TMEM51: variants seen among roughly 807,000 people sequenced by gnomAD.
TMEM51 encodes the protein transmembrane protein 51.
In TMEM51, 8 loss-of-function variants were observed where a neutral mutation model predicts 13.6. That is an observed-to-expected ratio of 0.59 (90% CI 0.35 to 1.07). The LOEUF is 1.07. Among genes scored for constraint, TMEM51 ranks in the 50% least tolerant of loss-of-function variants. The pLI is 0.02. For synonymous variants in TMEM51, 147 were observed against 144.4 expected, an observed-to-expected ratio of 1.02 and a Z score of -0.13; for missense variants, 279 against 330.7, an observed-to-expected ratio of 0.84 and a Z score of 1.21.
rs1365382188 is a variant in TMEM51 at position 15,215,181 on chromosome 1, A to C, written c.94A>C (p.Asn32His). The C allele has an allele frequency of 6.2e-7, 1 of 1,614,186 alleles. No homozygotes were observed. The highest frequency in any genetic ancestry group is 2.2e-5 in the East Asian group (1 of 44,894). ...LVLGVIMAMW[N>H]LVPGFSAAEK... ...CCTTGGGGTGATCATGGCCATGTGG[A>C]ACCTGGTACCCGGCTTCAGCGCGGC... is the stretch of plus-strand genomic sequence containing the variant. Residue 32 changes from asparagine (N) to histidine (H), a missense_variant, in exon 3 of 4, where the codon AAC becomes CAC. Asn to His is a moderately conservative substitution (Grantham distance 68). Transcript: ENST00000376008.
In TMEM51 at chr1:15,219,722, C is replaced by A; in HGVS notation, c.741C>A (p.Pro247=). The A allele has an allele frequency of 1.2e-6, 2 of 1,613,184 alleles. No homozygotes were observed. The highest frequency in any genetic ancestry group is 8.5e-7 in the Non-Finnish European group (1 of 1,179,724). The change falls in exon 4 of 4, where the codon CCC becomes CCA. Residue 247 remains proline (P), a synonymous_variant. Transcript: ENST00000376008. ...PQYDEVQEKA[P]DTRPPD is the part of the protein sequence containing the mutation. ...ATGATGAAGTCCAGGAGAAGGCCCC[C>A]GACACCCGGCCGCCCGACTGAATGG...
chr1:15,215,460 C>T (rs1397131602), intron 3 of TMEM51, 29 bp downstream of exon 3: 44 of 1,557,320 alleles, frequency 2.8e-5, no homozygotes, highest in Non-Finnish European at 3.6e-5. Context: ...CTTCCCTCCC[C>T]GGATCGGGGA....
At chr1:15,198,779 G>T (rs998473349) in intron 1 of TMEM51, among the ~76,000 whole-genome samples, 9 of 152,168 alleles carry the variant, frequency 5.9e-5, no homozygotes, top group Non-Finnish European at 1.3e-4. Flanking sequence ...GAATTGGCAC[G>T]CTCTCTTTTC....
intron 2 of TMEM51, among the ~76,000 whole-genome samples, chr1:15,213,637 C>T (rs1342371509): frequency 1.3e-5 from 2 of 152,176 alleles, no homozygotes; most frequent in Non-Finnish European, 2.9e-5. Context: ...ATCCCAGGAC[C>T]GCTGGCTGCT....
At chr1:15,189,230 T>TTTTTTTTTTTTTTTTTTTTTTTC (rs1557845161) in intron 1 of TMEM51, among the ~76,000 whole-genome samples, 1 of 146,926 alleles carries the variant, frequency 6.8e-6, no homozygotes, top group Non-Finnish European at 1.5e-5. Context: ...TTTTTTTTTT[T>TTTTTTTTTTTTTTTTTTTTTTTC]TTTTTAGTAG....
intron 1 of TMEM51, among the ~76,000 whole-genome samples, chr1:15,162,725 G>C (rs887403310): frequency 6.6e-6 from 1 of 152,024 alleles, no homozygotes; most frequent in Non-Finnish European, 1.5e-5. Flanking sequence ...CAACATGGAC[G>C]AACCTTGAGG....
At chr1:15,158,211 C>T (rs1277993080) in intron 1 of TMEM51, among the ~76,000 whole-genome samples, 2 of 152,196 alleles carry the variant, frequency 1.3e-5, no homozygotes, top group African/African-American at 4.8e-5. Flanking sequence ...TGATGGCTAG[C>T]AGGTATTCCC....
At chr1:15,177,576 G>GT (rs1269448625) in intron 1 of TMEM51, among the ~76,000 whole-genome samples, 3 of 151,930 alleles carry the variant, frequency 2.0e-5, no homozygotes, top group Non-Finnish European at 2.9e-5. Context: ...ACAGACTGAA[G>GT]GGGGGGGCCT....
At chr1:15,164,500 G>C (rs930230483) in intron 1 of TMEM51, 1 of 455,890 alleles carries the variant, frequency 2.2e-6, no homozygotes, top group African/African-American at 2.0e-5. Context: ...AATCATGTTA[G>C]GATGGAGATA....
At chr1:15,165,496 G>A (rs1193348022) in intron 1 of TMEM51, among the ~76,000 whole-genome samples, 1 of 152,150 alleles carries the variant, frequency 6.6e-6, no homozygotes, top group Admixed American at 6.5e-5. Flanking sequence ...GCTTTCAGGA[G>A]CTCAGCATAG....
intron 1 of TMEM51, among the ~76,000 whole-genome samples, chr1:15,195,523 C>A (rs1054851057): frequency 6.6e-6 from 1 of 152,012 alleles, no homozygotes; most frequent in African/African-American, 2.4e-5. Context: ...TCCCATGAGT[C>A]CCCCACCCTC....
intron 1 of TMEM51, among the ~76,000 whole-genome samples, chr1:15,200,407 CAAAAAAAAAAA>C (rs55755539): frequency 1.2e-4 from 8 of 67,970 alleles, no homozygotes; most frequent in East Asian, 1.1e-3. Context: ...GACTCTGTCT[CAAAAAAAAAAA>C]AAAAAAAAAA....
intron 2 of TMEM51, among the ~76,000 whole-genome samples, chr1:15,214,673 T>A (rs1644394956): frequency 6.6e-6 from 1 of 152,240 alleles, no homozygotes; most frequent in South Asian, 2.1e-4. Context: ...GGCTTTTCCT[T>A]TTCAGGGAGT....
In TMEM51 at chr1:15,197,717, C is replaced by G. The variant is rs74733191; in HGVS notation, c.-266-12773C>G. ...GTTGCCATTTTACAGATGAGGAAAC[C>G]GAGGCTCTCAGTGGTGGAAGGAGCA... On this transcript the variant is annotated intron_variant, in intron 1 of 3. Transcript: ENST00000376008. 1.4e-4 allele frequency among the ~76,000 whole-genome samples: 21 copies of G among 152,118 alleles called. No homozygotes were observed. The East Asian group carries it at 4.1e-3, about 29-fold the overall frequency.
At chr1:15,191,975 C>A (rs1643931093) in intron 1 of TMEM51, 1 of 533,550 alleles carries the variant, frequency 1.9e-6, no homozygotes, top group Non-Finnish European at 3.8e-6. Context: ...GAAGCTGCGT[C>A]TACAACAGTC....
At chr1:15,183,120 T>C (rs929149517) in intron 1 of TMEM51, among the ~76,000 whole-genome samples, 4 of 152,218 alleles carry the variant, frequency 2.6e-5, no homozygotes, top group Non-Finnish European at 5.9e-5. Context: ...GTTTTATGTC[T>C]GCTGGTAGAA....
rs75946417 is a variant in TMEM51, at chr1:15,201,578, C to T, written c.-266-8912C>T. On this transcript the variant is annotated intron_variant, in intron 1 of 3. Coordinates refer to ENST00000376008, the MANE Select transcript of TMEM51 (RefSeq NM_001136218.2). ...CAGTTGGAAAAAGAATCAAGTGTGA[C>T]AAGTGACTTCCTAAAAATCGAAGAC... Among the ~76,000 whole-genome samples the T allele has an allele frequency of 2.4e-3, 370 of 152,164 alleles. 5 individuals carry two copies. Among genetic ancestry groups the T allele is most frequent in the African/African-American group, 8.3e-3 (344 of 41,496 alleles).
At chr1:15,205,810 C>G (rs1458560984) in intron 1 of TMEM51, among the ~76,000 whole-genome samples, 2 of 152,216 alleles carry the variant, frequency 1.3e-5, no homozygotes, top group African/African-American at 4.8e-5. Flanking sequence ...GACTTCCCTT[C>G]TGTTAGGCAG....
intron 1 of TMEM51, among the ~76,000 whole-genome samples, chr1:15,165,068 T>G (rs1642946285): frequency 6.6e-6 from 1 of 152,178 alleles, no homozygotes; most frequent in African/African-American, 2.4e-5. Flanking sequence ...CCCAAAGTGC[T>G]GGGATTACAG....
Sources: gnomAD v4.1 joint callset for allele counts (sites outside exome capture counted in the v4.1 genomes callset) on GRCh38, gnomAD v4.1.1 for gene constraint, MANE v1.5 for transcripts, NCBI Gene and HGNC (gene_info 2026-07-23, HGNC 2026-07-21) for gene names.